The following CAMK2B variants were observed in gnomAD, a reference collection of about 807,000 sequenced individuals.
CAMK2B encodes the protein calcium/calmodulin dependent protein kinase II beta.
Under a neutral mutation model 93.7 loss-of-function variants are expected in CAMK2B, and 27 were observed. The ratio of observed to expected loss-of-function variants is 0.29; its 90% CI spans 0.21 to 0.40. The LOEUF (loss-of-function observed/expected upper bound fraction) is 0.40, where lower values mean the gene tolerates loss of function less well. Among genes scored for constraint, CAMK2B ranks in the 10% least tolerant of loss-of-function variants. The pLI, the probability that CAMK2B is intolerant of heterozygous loss-of-function variation, is 1.00. For missense variants in CAMK2B, 568 were observed against 895.8 expected (o/e 0.63, Z 4.67); for synonymous variants, 374 against 358.8 (o/e 1.04, Z -0.48).
chr7:44,280,891 C>T (rs368131169), intron 2 of CAMK2B, among the ~76,000 whole-genome samples: 13 of 152,276 alleles, frequency 8.5e-5, no homozygotes, highest in East Asian at 1.9e-4. Flanking sequence ...AACAGAGAAA[C>T]GAGGCAGGGA....
At chr7:44,316,979 G>T (rs1794956954) in intron 1 of CAMK2B, among the ~76,000 whole-genome samples, 3 of 151,934 alleles carry the variant, frequency 2.0e-5, no homozygotes, top group South Asian at 4.2e-4. Context: ...ATTCTCAGAG[G>T]TATTAATCAC....
intron 1 of CAMK2B, among the ~76,000 whole-genome samples, chr7:44,289,566 C>T (rs1324079004): frequency 6.6e-6 from 1 of 152,208 alleles, no homozygotes; most frequent in African/African-American, 2.4e-5. Context: ...GTCACGCAGA[C>T]CTTGCTCAGG....
intron 2 of CAMK2B, among the ~76,000 whole-genome samples, chr7:44,264,383 T>G (rs757319288): frequency 1.3e-5 from 2 of 152,146 alleles, no homozygotes; most frequent in Non-Finnish European, 2.9e-5. Flanking sequence ...AGGATATGCC[T>G]GCAAACACGC....
At chr7:44,256,930 G>A (rs1438361917) in intron 4 of CAMK2B, among the ~76,000 whole-genome samples, 2 of 152,200 alleles carry the variant, frequency 1.3e-5, no homozygotes, top group African/African-American at 2.4e-5. Flanking sequence ...CTCAGTGCTG[G>A]CCCAGGAGGG....
chr7:44,289,877 G>A (rs1440300791), intron 1 of CAMK2B, among the ~76,000 whole-genome samples: 1 of 152,222 alleles, frequency 6.6e-6, no homozygotes, highest in Non-Finnish European at 1.5e-5. Flanking sequence ...CGTTCCCTTA[G>A]TGGAAATTTC....
intron 1 of CAMK2B, among the ~76,000 whole-genome samples, chr7:44,316,241 GT>G (rs199584277): frequency 2.6e-5 from 4 of 151,280 alleles, no homozygotes; most frequent in South Asian, 2.1e-4. Context: ...AATGGTATTG[GT>G]TTTTTTTTAA....
intron 6 of CAMK2B, among the ~76,000 whole-genome samples, chr7:44,246,405 G>C (rs1216842190): frequency 6.6e-6 from 1 of 152,094 alleles, no homozygotes; most frequent in Non-Finnish European, 1.5e-5. Flanking sequence ...CAACACACAA[G>C]TGCACACACA....
chr7:44,228,058 G>A (rs1016727532), intron 19 of CAMK2B, among the ~76,000 whole-genome samples: 9 of 151,928 alleles, frequency 5.9e-5, no homozygotes, highest in South Asian at 2.1e-4. Context: ...GTCGGGTGGC[G>A]TGGGCTGAAG....
intron 19 of CAMK2B, 37 bp from the exon 20 acceptor site, chr7:44,226,681 G>A: frequency 6.7e-7 from 1 of 1,499,044 alleles, no homozygotes; most frequent in Non-Finnish European, 8.8e-7. Flanking sequence ...CACAAGGCAG[G>A]CACGGGGGGC....
chr7:44,264,362 C>T (rs1033990341), intron 2 of CAMK2B, among the ~76,000 whole-genome samples: 2 of 152,112 alleles, frequency 1.3e-5, no homozygotes, highest in Admixed American at 6.5e-5. Flanking sequence ...GTGGTGGCAG[C>T]CTGGGGGTAC....
intron 2 of CAMK2B, among the ~76,000 whole-genome samples, chr7:44,274,189 G>A (rs906028435): frequency 3.9e-5 from 6 of 152,108 alleles, no homozygotes; most frequent in African/African-American, 1.4e-4. Context: ...ACTCCACACC[G>A]AGCTGGAGTC....
chr7:44,270,815 C>T (rs540142973), intron 2 of CAMK2B, among the ~76,000 whole-genome samples: 156 of 152,384 alleles, frequency 1.0e-3, no homozygotes, highest in African/African-American at 3.6e-3. Context: ...CAGCCCCTCC[C>T]TGCACTGTCA....
At chr7:44,304,963 C>T (rs561368141) in intron 1 of CAMK2B, among the ~76,000 whole-genome samples, 14 of 152,166 alleles carry the variant, frequency 9.2e-5, no homozygotes, top group Middle Eastern at 3.4e-3. Flanking sequence ...CTTTAAAACA[C>T]CAGGATAGAG....
At position 44,229,433 on chromosome 7, in the gene CAMK2B, G is replaced by C; in HGVS notation, c.1294C>G (p.Leu432Val). 6.7e-7 allele frequency: 1 copy of C among 1,501,814 alleles called. No homozygotes were observed. Among genetic ancestry groups the C allele is most frequent in the Non-Finnish European group, 8.9e-7 (1 of 1,126,882 alleles). The allele number at this position is 1,501,814 out of a possible 1,614,324, so 93.0% of individuals were successfully genotyped here. The change falls in exon 18 of 24, where the codon CTG becomes GTG. Residue 432 changes from leucine to valine, a missense_variant. By Grantham distance (32) the Leu-to-Val change is conservative. Coordinates refer to ENST00000395749, the MANE Select transcript of CAMK2B (RefSeq NM_001220.5). ...AAGGGAGCCGGAGATGGGCAGGGCA[G>C]GGGCCCCTCGGCTTCTGGGGCTCCC... ...GSGAPEAEGP[L>V]PCPSPAPFSP...
intron 1 of CAMK2B, among the ~76,000 whole-genome samples, chr7:44,292,375 A>T (rs1206789139): frequency 6.6e-6 from 1 of 152,122 alleles, no homozygotes; most frequent in South Asian, 2.1e-4. Flanking sequence ...TTCCACATAC[A>T]TGAATTCTGG....
chr7:44,278,780 G>A (rs1365448012), intron 2 of CAMK2B, among the ~76,000 whole-genome samples: 1 of 152,232 alleles, frequency 6.6e-6, no homozygotes, highest in Non-Finnish European at 1.5e-5. Flanking sequence ...CACAGCATCT[G>A]GGCAAGGCCA....
chr7:44,270,907 T>G (rs2096968368), intron 2 of CAMK2B, among the ~76,000 whole-genome samples: 1 of 152,136 alleles, frequency 6.6e-6, no homozygotes. Flanking sequence ...TGAGAGAACT[T>G]TCTAGACTTT....
intron 2 of CAMK2B, among the ~76,000 whole-genome samples, chr7:44,272,006 G>C (rs916556165): frequency 5.3e-5 from 8 of 152,190 alleles, no homozygotes; most frequent in African/African-American, 1.9e-4. Context: ...GGGGGCATGG[G>C]AGCAAGGAGA....
chr7:44,323,373 T>A (rs1470659931), intron 1 of CAMK2B, among the ~76,000 whole-genome samples: 2 of 152,250 alleles, frequency 1.3e-5, no homozygotes, highest in Non-Finnish European at 2.9e-5. Context: ...CAGCAGCTCA[T>A]TCTCTGGCTT....
Sources: allele counts gnomAD v4.1 joint callset (sites outside exome capture counted in the v4.1 genomes callset), GRCh38; gene constraint gnomAD v4.1.1; transcripts MANE v1.5; gene names NCBI Gene and HGNC (gene_info 2026-07-23, HGNC 2026-07-21).